The following FAM161A variants were observed in gnomAD, a reference collection of about 807,000 sequenced individuals.
The protein encoded by FAM161A is protein FAM161A.
Under a neutral mutation model 70.9 loss-of-function variants are expected in FAM161A, and 57 were observed. The observed-to-expected ratio is 0.80, with a 90% CI of 0.65 to 1.00. FAM161A has a LOEUF of 1.00. Ranked by LOEUF, FAM161A falls within the 50% of genes least tolerant of loss-of-function variation. The pLI is 0.00. For synonymous variants in FAM161A, 299 were observed against 295.7 expected (o/e 1.01, Z -0.12); for missense variants, 880 against 836.0 (o/e 1.05, Z -0.65).
At chr2:61,833,809 C>T (rs994048065) in intron 5 of FAM161A, among the ~76,000 whole-genome samples, 1 of 152,078 alleles carries the variant, frequency 6.6e-6, no homozygotes, top group African/African-American at 2.4e-5. Flanking sequence ...GTGGGAGGAT[C>T]ACTTGAGGCC....
At chr2:61,840,931 T>G (rs1386940124) in intron 2 of FAM161A, among the ~76,000 whole-genome samples, 3 of 152,226 alleles carry the variant, frequency 2.0e-5, no homozygotes, top group Non-Finnish European at 4.4e-5. Flanking sequence ...ATTACAGGCA[T>G]GAGCCACTGT....
rs978689656 is a variant in FAM161A at position 61,835,357 on chromosome 2, G to A, written c.1851+653C>T. On this transcript the variant is annotated intron_variant, in intron 5 of 6. Coordinates refer to ENST00000404929, the MANE Select transcript of FAM161A (RefSeq NM_001201543.2). ...CCCTTAAGGGAAAGGTTGTAAAACC[G>A]GGCATAAACTTAGTAAAATCAGGGT... is the stretch of plus-strand genomic sequence containing the variant. Among the ~76,000 whole-genome samples the A allele has an allele frequency of 9.2e-5, 14 of 152,072 alleles. No homozygotes were observed. The South Asian group carries it at 1.0e-3, about 11-fold the overall frequency.
chr2:61,843,178 C>G (rs530705376), intron 1 of FAM161A, among the ~76,000 whole-genome samples: 46 of 152,298 alleles, frequency 3.0e-4, no homozygotes, highest in African/African-American at 1.1e-3. Flanking sequence ...GAGTCTCACT[C>G]TGTCACTCAG....
intron 1 of FAM161A, among the ~76,000 whole-genome samples, chr2:61,848,320 A>G (rs563705653): frequency 2.5e-3 from 375 of 152,330 alleles, no homozygotes; most frequent in African/African-American, 8.3e-3. Context: ...ACGCTAGCTG[A>G]AACTTTTCAG....
chr2:61,819,087 C>T, the FAM161A span, among the ~76,000 whole-genome samples: 1 of 152,198 alleles, frequency 6.6e-6, no homozygotes, highest in South Asian at 2.1e-4. Context: ...ATCTAAATTA[C>T]ATGCCAGGCT....
downstream of FAM161A, among the ~76,000 whole-genome samples, chr2:61,822,979 A>G (rs1672235738): frequency 6.6e-6 from 1 of 152,144 alleles, no homozygotes; most frequent in Non-Finnish European, 1.5e-5. Context: ...AATACTGTCT[A>G]AGAGAAAAAT....
intron 4 of FAM161A, among the ~76,000 whole-genome samples, chr2:61,838,078 T>C (rs189273805): frequency 6.7e-4 from 102 of 152,356 alleles, no homozygotes; most frequent in African/African-American, 2.3e-3. Flanking sequence ...TATTTTTATA[T>C]TGAAACTAAC....
rs1235690655 is a variant in FAM161A, at chr2:61,825,705, T to C, written c.*750A>G. 9.6e-6 allele frequency: 4 copies of C among 418,152 alleles called. No individual in the cohort carries two copies. In the Admixed American group the frequency reaches 1.2e-4, roughly 12 times the overall value. 25.9% of individuals were successfully genotyped at this position (418,152 alleles called of 1,614,324 possible). A position where few individuals can be genotyped will look rare whatever the true frequency, so the allele number is the denominator to read the frequency against. On this transcript the variant is annotated 3_prime_UTR_variant, in exon 7 of 7. Coordinates refer to ENST00000404929, the MANE Select transcript of FAM161A (RefSeq NM_001201543.2). Reference sequence around the variant, plus strand: ...CAAGCTGGAGTGCAGTGGCGCGATCTCGGCTCACTGCAAGCTCTGCCTCCT... The same window carrying C: ...CAAGCTGGAGTGCAGTGGCGCGATCCCGGCTCACTGCAAGCTCTGCCTCCT...
rs6739451 is a variant in FAM161A, at chr2:61,836,452, G to T, written c.1752-343C>A. 772 of 193,692 alleles carry T rather than the reference G, an allele frequency of 4.0e-3. 3 individuals carry two copies. The highest frequency in any genetic ancestry group is 0.018 in the African/African-American group (751 of 42,360). The allele number at this position is 193,692 out of a possible 1,614,324, so 12.0% of individuals were successfully genotyped here. ...TGAAAAGATGAATGAAAGTCCTCTT[G>T]TCTCATTTATAAGTGTATAAAACCA... On this transcript the variant is annotated intron_variant, in intron 4 of 6. Coordinates refer to ENST00000404929, the MANE Select transcript of FAM161A (RefSeq NM_001201543.2).
At chr2:61,803,795 A>G in the FAM161A span, among the ~76,000 whole-genome samples, 4 of 152,280 alleles carry the variant, frequency 2.6e-5, no homozygotes, top group Non-Finnish European at 5.9e-5. Flanking sequence ...GCCTGGGCAC[A>G]GAGAAAGACT....
chr2:61,826,321 G>C lies in FAM161A; in HGVS notation c.*134C>G, dbSNP rs780727383. On this transcript the variant is annotated 3_prime_UTR_variant, in exon 7 of 7. Coordinates refer to ENST00000404929, the MANE Select transcript of FAM161A (RefSeq NM_001201543.2). Reference sequence around the variant, plus strand: ...CAATCAGCTGGATTCAGGCTTTTCAGGCTACAGATGACTTTGATCAACAGC... The same window carrying C: ...CAATCAGCTGGATTCAGGCTTTTCACGCTACAGATGACTTTGATCAACAGC... 2.3e-5 allele frequency: 22 copies of C among 942,866 alleles called. No individual in the cohort carries two copies. The South Asian group carries it at 2.9e-4, about 13-fold the overall frequency. The allele number at this position is 942,866 out of a possible 1,614,324, so 58.4% of individuals were successfully genotyped here.
the FAM161A span, among the ~76,000 whole-genome samples, chr2:61,811,146 G>C: frequency 6.6e-6 from 1 of 151,970 alleles, no homozygotes; most frequent in South Asian, 2.1e-4. Context: ...CTACAACTCT[G>C]GTCCAAGCCA....
chr2:61,820,120 T>C (rs1672173181), downstream of FAM161A: 1 of 439,552 alleles, frequency 2.3e-6, no homozygotes, highest in Non-Finnish European at 4.2e-6. Flanking sequence ...AATTGTGTTC[T>C]GCTGCATTTA....
Position 61,826,479 on chromosome 2 carries a change from CTCT to C in FAM161A, c.2124_2126del (p.Glu709del), listed in dbSNP as rs558080743. 1,483 of 1,610,376 alleles carry C rather than the reference CTCT, an allele frequency of 9.2e-4. 4 individuals carry two copies. Among genetic ancestry groups the C allele is most frequent in the Non-Finnish European group, 1.1e-3 (1,347 of 1,177,772 alleles). ...TTCAGTGTGATTCTTCAACAGATTT[CTCT>C]TCTTCACTTTCCTCATTGGCTTCAT... On this transcript the variant is annotated inframe_deletion, in exon 7 of 7. Transcript: ENST00000404929.
At chr2:61,808,946 C>T in the FAM161A span, among the ~76,000 whole-genome samples, 1 of 149,962 alleles carries the variant, frequency 6.7e-6, no homozygotes, top group African/African-American at 2.5e-5. Flanking sequence ...GATCTCGGCT[C>T]ACTGCAACCT....
At chr2:61,805,047 C>T in the FAM161A span, among the ~76,000 whole-genome samples, 1 of 152,110 alleles carries the variant, frequency 6.6e-6, no homozygotes, top group African/African-American at 2.4e-5. Flanking sequence ...GAAGTCACGC[C>T]CATGAGCCAG....
At chr2:61,853,370 T>C (rs1161653696) in intron 1 of FAM161A, among the ~76,000 whole-genome samples, 3 of 152,198 alleles carry the variant, frequency 2.0e-5, no homozygotes, top group Non-Finnish European at 4.4e-5. Context: ...CCTCAGTGAT[T>C]TGCTTATCTG....
chr2:61,849,680 G>A (rs1340548419), intron 1 of FAM161A, among the ~76,000 whole-genome samples: 1 of 150,842 alleles, frequency 6.6e-6, no homozygotes, highest in Non-Finnish European at 1.5e-5. Flanking sequence ...AGCTACTCAG[G>A]AGGCTGAGGC....
chr2:61,839,294 GT>G (rs1553354222), intron 3 of FAM161A, 126 bp downstream of exon 3: 3 of 805,014 alleles, frequency 3.7e-6, no homozygotes, highest in Non-Finnish European at 6.2e-6. Context: ...ATATTATATA[GT>G]AAAATATCTT....
Sources: gnomAD v4.1 joint callset for allele counts (sites outside exome capture counted in the v4.1 genomes callset) on GRCh38, gnomAD v4.1.1 for gene constraint, MANE v1.5 for transcripts, NCBI Gene and HGNC (gene_info 2026-07-23, HGNC 2026-07-21) for gene names.